The following MANEA variants were observed in gnomAD, a reference collection of about 807,000 sequenced individuals.
MANEA encodes the protein glycoprotein endo-alpha-1,2-mannosidase.
In MANEA, 25 loss-of-function variants were observed where a neutral mutation model predicts 36.8. The ratio of observed to expected loss-of-function variants is 0.68; its 90% CI spans 0.50 to 0.95. MANEA has a LOEUF of 0.95. Ranked by LOEUF, MANEA falls within the 40% of genes least tolerant of loss-of-function variation. MANEA has a pLI of 0.00. For missense variants in MANEA, 565 were observed against 558.8 expected (o/e 1.01, Z -0.11); for synonymous variants, 198 against 188.5 (o/e 1.05, Z -0.41).
intron 1 of MANEA, among the ~76,000 whole-genome samples, chr6:95,581,406 G>GA (rs575393627): frequency 1.1e-4 from 17 of 149,384 alleles, no homozygotes; most frequent in Non-Finnish European, 2.2e-4. Context: ...AAGAGAGAGA[G>GA]AAAAAAAAAC....
At chr6:95,591,990 C>G (rs1769393600) in intron 2 of MANEA, among the ~76,000 whole-genome samples, 2 of 152,340 alleles carry the variant, frequency 1.3e-5, no homozygotes, top group South Asian at 4.1e-4. Context: ...GCGTCAGCCA[C>G]CGTGTCCAGC....
At chr6:95,590,579 T>G (rs1769368646) in intron 2 of MANEA, among the ~76,000 whole-genome samples, 1 of 152,214 alleles carries the variant, frequency 6.6e-6, no homozygotes, top group Non-Finnish European at 1.5e-5. Flanking sequence ...AGTTTAAATG[T>G]ACCTAATAAC....
chr6:95,588,088 C>T (rs780500703), intron 2 of MANEA: 1 of 151,988 alleles, frequency 6.6e-6, no homozygotes, highest in Non-Finnish European at 1.5e-5. Context: ...GTCATATTGT[C>T]CCACAGGTGA....
intron 2 of MANEA, among the ~76,000 whole-genome samples, chr6:95,596,170 T>TG (rs2127942698): frequency 6.6e-6 from 1 of 152,140 alleles, no homozygotes; most frequent in Non-Finnish European, 1.5e-5. Context: ...GCTTAGTTAT[T>TG]GGCAGGGGTG....
At chr6:95,578,396 G>T (rs543257431) in intron 1 of MANEA, among the ~76,000 whole-genome samples, 1 of 152,296 alleles carries the variant, frequency 6.6e-6, no homozygotes, top group East Asian at 1.9e-4. Flanking sequence ...CAACAACAAG[G>T]GGGGGATAAT....
At chr6:95,582,141 A>G (rs1465588945) in intron 1 of MANEA, among the ~76,000 whole-genome samples, 1 of 147,338 alleles carries the variant, frequency 6.8e-6, no homozygotes, top group Admixed American at 6.8e-5. Flanking sequence ...AGGACAACAA[A>G]TTACAGTGGC....
At chr6:95,593,038 G>T (rs1206828948) in intron 2 of MANEA, among the ~76,000 whole-genome samples, 6 of 152,178 alleles carry the variant, frequency 3.9e-5, no homozygotes, top group Non-Finnish European at 8.8e-5. Context: ...AATATTTCAA[G>T]AATGGACTTC....
At chr6:95,604,073 T>TGTGTGTGTGA (rs1301530565) in intron 3 of MANEA, among the ~76,000 whole-genome samples, 2 of 151,076 alleles carry the variant, frequency 1.3e-5, no homozygotes, top group Non-Finnish European at 3.0e-5. Context: ...TGTGTGTGTG[T>TGTGTGTGTGA]GTGTGTGTGT....
chr6:95,605,870 C>T lies in MANEA; in HGVS notation c.854C>T (p.Ser285Leu), dbSNP rs959651064. The change falls in exon 5 of 5, where the codon TCA becomes TTA. Residue 285 changes from serine (S) to leucine (L), a missense_variant. Transcript: ENST00000358812. ...PEKWANLLTT[S>L]GSRSIRNSPY... Reference sequence around the variant, plus strand: ...AAATGGGCCAATCTGTTAACCACCTCAGGGTCTCGGAGTATTCGCAATTCT... The same window carrying T: ...AAATGGGCCAATCTGTTAACCACCTTAGGGTCTCGGAGTATTCGCAATTCT... The T allele has an allele frequency of 6.2e-7, 1 of 1,614,004 alleles. No individual in the cohort carries two copies. Among genetic ancestry groups the T allele is most frequent in the Non-Finnish European group, 8.5e-7 (1 of 1,179,970 alleles).
intron 2 of MANEA, among the ~76,000 whole-genome samples, chr6:95,592,397 C>G (rs894424832): frequency 1.3e-5 from 2 of 152,128 alleles, no homozygotes; most frequent in African/African-American, 4.8e-5. Flanking sequence ...CAACGTATCT[C>G]ATTTGTGAGT....
At chr6:95,597,764 T>C (rs1433924897) in intron 3 of MANEA, among the ~76,000 whole-genome samples, 1 of 152,024 alleles carries the variant, frequency 6.6e-6, no homozygotes, top group African/African-American at 2.4e-5. Context: ...TAATAAGACA[T>C]AGTAGAAGAA....
chr6:95,600,336 T>C (rs939630788), intron 3 of MANEA, among the ~76,000 whole-genome samples: 1 of 152,198 alleles, frequency 6.6e-6, no homozygotes, highest in Admixed American at 6.6e-5. Context: ...AGAATAGACC[T>C]GGAATCATGA....
In MANEA at chr6:95,607,809, T is replaced by C. The variant is rs1023731046; in HGVS notation, c.*1404T>C. ...TATTACATAAATGTTATTTCTTAGGTGTTCCATTAAGAAGAGCAATAGAAT... is the reference window on the plus strand; with the variant it reads ...TATTACATAAATGTTATTTCTTAGGCGTTCCATTAAGAAGAGCAATAGAAT... On this transcript the variant is annotated 3_prime_UTR_variant, in exon 5 of 5. Coordinates refer to ENST00000358812, the MANE Select transcript of MANEA (RefSeq NM_024641.4). 1.3e-5 allele frequency: 2 copies of C among 151,612 alleles called. No homozygotes were observed. Among genetic ancestry groups the C allele is most frequent in the Non-Finnish European group, 3.0e-5 (2 of 67,702 alleles). The allele number at this position is 151,612 out of a possible 1,614,324, so 9.4% of individuals were successfully genotyped here. A position where few individuals can be genotyped will look rare whatever the true frequency, so the allele number is the denominator to read the frequency against.
chr6:95,581,236 A>C (rs1158375761), intron 1 of MANEA, among the ~76,000 whole-genome samples: 1 of 152,166 alleles, frequency 6.6e-6, no homozygotes, highest in Non-Finnish European at 1.5e-5. Context: ...AGATGACTTA[A>C]TTGAGACATG....
At position 95,607,298 on chromosome 6, in the gene MANEA, C is replaced by CT. The variant is rs1355859119; in HGVS notation, c.*896dup. 16 of 152,158 alleles carry CT rather than the reference C, an allele frequency of 1.1e-4. No individual in the cohort carries two copies. Among genetic ancestry groups the CT allele is most frequent in the African/African-American group, 3.9e-4 (16 of 41,552 alleles). 9.4% of individuals were successfully genotyped at this position (152,158 alleles called of 1,614,324 possible). ...ATCATTTTTAGTATATCTTGTCGATCTTTAAGTTGTTACTATTGTGTTATT... is the reference window on the plus strand; with the variant it reads ...ATCATTTTTAGTATATCTTGTCGATCTTTTAAGTTGTTACTATTGTGTTATT... On this transcript the variant is annotated 3_prime_UTR_variant, in exon 5 of 5. Coordinates refer to ENST00000358812, the MANE Select transcript of MANEA (RefSeq NM_024641.4).
At chr6:95,604,061 G>GGTGTGTGTGTGTGT (rs71012509) in intron 3 of MANEA, among the ~76,000 whole-genome samples, 10,956 of 138,196 alleles carry the variant, frequency 0.079, 509 homozygotes, top group African/African-American at 0.086. Flanking sequence ...TATGTATGTA[G>GGTGTGTGTGTGTGT]GTGTGTGTGT....
In MANEA at chr6:95,604,061, G is replaced by GGGGTGTGTGTGTGTGT. The variant is rs369467389; in HGVS notation, c.655-765_655-764insGGTGTGTGTGTGTGTG. On this transcript the variant is annotated intron_variant, in intron 3 of 4. Coordinates refer to ENST00000358812, the MANE Select transcript of MANEA (RefSeq NM_024641.4). ...GTATGTGTGCGTATATATGTATGTA[G>GGGGTGTGTGTGTGTGT]GTGTGTGTGTGTGTGTGTGTGTGTG... is the stretch of plus-strand genomic sequence containing the variant. Among the ~76,000 whole-genome samples, 1,071 of 138,360 alleles carry GGGGTGTGTGTGTGTGT rather than the reference G, an allele frequency of 7.7e-3. 2 individuals are homozygous for GGGGTGTGTGTGTGTGT. The highest frequency in any genetic ancestry group is 0.012 in the African/African-American group (441 of 37,292). The allele number at this position is 138,360 out of a possible 152,430, so 90.8% of individuals were successfully genotyped here.
rs67335804 is a variant in MANEA, at chr6:95,601,716, A to ATTTTTTTTTT, written c.655-3092_655-3083dup. Among the ~76,000 whole-genome samples the ATTTTTTTTTT allele has an allele frequency of 1.1e-3, 70 of 64,992 alleles. 4 individuals carry two copies. The highest frequency in any genetic ancestry group is 2.7e-3 in the African/African-American group (42 of 15,770). 42.6% of individuals were successfully genotyped at this position (64,992 alleles called of 152,430 possible). A position where few individuals can be genotyped will look rare whatever the true frequency, so the allele number is the denominator to read the frequency against. Reference sequence around the variant, plus strand: ...AAAAGAAAATTAGGCAGATTCAGTGATTTTTTTTTTTTTTTTTTTTTTTTT... The same window carrying ATTTTTTTTTT: ...AAAAGAAAATTAGGCAGATTCAGTGATTTTTTTTTTTTTTTTTTTTTTTTTTTTTTTTTTT... On this transcript the variant is annotated intron_variant, in intron 3 of 4. Coordinates refer to ENST00000358812, the MANE Select transcript of MANEA (RefSeq NM_024641.4).
At chr6:95,583,440 T>C (rs1361772280) in intron 1 of MANEA, among the ~76,000 whole-genome samples, 1 of 152,084 alleles carries the variant, frequency 6.6e-6, no homozygotes, top group Non-Finnish European at 1.5e-5. Context: ...CATATGCACA[T>C]ACACACGTTT....
Sources: allele counts gnomAD v4.1 joint callset (sites outside exome capture counted in the v4.1 genomes callset), GRCh38; gene constraint gnomAD v4.1.1; transcripts MANE v1.5; gene names NCBI Gene and HGNC (gene_info 2026-07-23, HGNC 2026-07-21).